LOC128462377: variants seen among roughly 807,000 people sequenced by gnomAD.
At chr16:89,350,652 T>C in the LOC128462377 span, among the ~76,000 whole-genome samples, 12 of 152,332 alleles carry the variant, frequency 7.9e-5, no homozygotes, top group African/African-American at 2.4e-4. Flanking sequence ...GATGACATGC[T>C]GCTGCAAAGA....
chr16:89,322,457 G>C, the LOC128462377 span, among the ~76,000 whole-genome samples: 2 of 152,242 alleles, frequency 1.3e-5, no homozygotes, highest in Admixed American at 6.5e-5. Flanking sequence ...CCCCTGAGAA[G>C]GGATGTGATT....
the LOC128462377 span, chr16:89,343,546 T>G: frequency 3.9e-5 from 6 of 152,256 alleles, no homozygotes; most frequent in Non-Finnish European, 4.4e-5. Flanking sequence ...TGGAGGCATG[T>G]GAGGGTGCAC....
At chr16:89,390,589 A>C in the LOC128462377 span, among the ~76,000 whole-genome samples, 5 of 152,212 alleles carry the variant, frequency 3.3e-5, no homozygotes, top group Non-Finnish European at 5.9e-5. Flanking sequence ...GAACCTGACC[A>C]AGGCACATCA....
the LOC128462377 span, among the ~76,000 whole-genome samples, chr16:89,358,187 G>A: frequency 8.5e-5 from 13 of 152,164 alleles, no homozygotes; most frequent in Non-Finnish European, 1.6e-4. Flanking sequence ...CACCACGTGC[G>A]GGCAGACACA....
the LOC128462377 span, among the ~76,000 whole-genome samples, chr16:89,335,748 C>T: frequency 6.6e-6 from 1 of 152,232 alleles, no homozygotes; most frequent in Admixed American, 6.5e-5. Context: ...CTGACCGTGA[C>T]AGGCCCCAGT....
At chr16:89,340,423 C>T in the LOC128462377 span, among the ~76,000 whole-genome samples, 420 of 152,262 alleles carry the variant, frequency 2.8e-3, 4 homozygotes, top group African/African-American at 9.4e-3. Flanking sequence ...TACAGGCATG[C>T]GCCACCATGC....
the LOC128462377 span, among the ~76,000 whole-genome samples, chr16:89,370,299 G>A: frequency 6.6e-6 from 1 of 152,206 alleles, no homozygotes; most frequent in Non-Finnish European, 1.5e-5. Context: ...CAGCTCTGAG[G>A]ATGAGAAGAT....
chr16:89,351,001 G>A, the LOC128462377 span, among the ~76,000 whole-genome samples: 1 of 152,330 alleles, frequency 6.6e-6, no homozygotes, highest in East Asian at 1.9e-4. Context: ...CGCACACTCT[G>A]TGATGCTCAG....
chr16:89,319,735 T>C, the LOC128462377 span, among the ~76,000 whole-genome samples: 1 of 152,336 alleles, frequency 6.6e-6, no homozygotes, highest in East Asian at 1.9e-4. Context: ...GTAGCTGCCA[T>C]CTAGCCCAGG....
At chr16:89,403,482 C>T in the LOC128462377 span, 86,025 of 151,770 alleles carry the variant, frequency 0.57, 24,487 homozygotes, top group Middle Eastern at 0.73. Context: ...TGGGAGGGCA[C>T]CCCCAGGAAG....
the LOC128462377 span, among the ~76,000 whole-genome samples, chr16:89,339,572 T>G: frequency 2.2e-4 from 34 of 152,354 alleles, no homozygotes; most frequent in Non-Finnish European, 4.6e-4. Flanking sequence ...AATGGGTTAT[T>G]ATATTTTATA....
the LOC128462377 span, among the ~76,000 whole-genome samples, chr16:89,351,277 C>G: frequency 1.3e-5 from 2 of 152,134 alleles, no homozygotes; most frequent in African/African-American, 4.8e-5. Flanking sequence ...CGCCCACAGG[C>G]CGCCAAACAC....
chr16:89,367,883 G>T, the LOC128462377 span, among the ~76,000 whole-genome samples: 224 of 152,168 alleles, frequency 1.5e-3, no homozygotes, highest in African/African-American at 5.2e-3. Flanking sequence ...GTGTGCTTGT[G>T]GTACCGGCTA....
the LOC128462377 span, among the ~76,000 whole-genome samples, chr16:89,399,213 G>C: frequency 6.6e-6 from 1 of 152,090 alleles, no homozygotes; most frequent in Admixed American, 6.5e-5. Context: ...CGAGTTCAGG[G>C]GCCAGTGGCT....
chr16:89,319,947 C>T, the LOC128462377 span: 1 of 152,436 alleles, frequency 6.6e-6, no homozygotes, highest in African/African-American at 2.4e-5. Flanking sequence ...TGTGTTCCCT[C>T]CACCAGGCTC....
At chr16:89,352,300 G>A in the LOC128462377 span, among the ~76,000 whole-genome samples, 2 of 151,840 alleles carry the variant, frequency 1.3e-5, no homozygotes, top group East Asian at 1.9e-4. Flanking sequence ...TATGCATCAC[G>A]CCACGCGGTG....
chr16:89,405,058 C>T, the LOC128462377 span, among the ~76,000 whole-genome samples: 1 of 152,066 alleles, frequency 6.6e-6, no homozygotes, highest in African/African-American at 2.4e-5. Context: ...ACAACACAGC[C>T]CGACGCCCCG....
At chr16:89,392,736 G>A in the LOC128462377 span, 1 of 147,960 alleles carries the variant, frequency 6.8e-6, no homozygotes, top group Admixed American at 6.9e-5. Context: ...TATCTAGGAT[G>A]TCCGGCACAC....
chr16:89,398,488 A>G, the LOC128462377 span, among the ~76,000 whole-genome samples: 5 of 152,102 alleles, frequency 3.3e-5, no homozygotes, highest in African/African-American at 1.2e-4. Context: ...GAAGGCTGAC[A>G]TGAGGACTGC....
Sources: gnomAD v4.1 joint callset for allele counts (sites outside exome capture counted in the v4.1 genomes callset) on GRCh38, gnomAD v4.1.1 for gene constraint, MANE v1.5 for transcripts.